The following SNX4 variants were observed in gnomAD, a reference collection of about 807,000 sequenced individuals.
SNX4 encodes sorting nexin 4.
SNX4 carries 49 observed loss-of-function variants against 70.8 expected under a neutral mutation model. That is an observed-to-expected ratio of 0.69 (90% CI 0.55 to 0.88). SNX4 has a LOEUF of 0.88. Among genes scored for constraint, SNX4 ranks in the 40% least tolerant of loss-of-function variants. The probability of loss-of-function intolerance (pLI) is 0.00; values close to 1 mark genes in which losing one functional copy is unlikely to be tolerated. For synonymous variants in SNX4, 206 were observed against 183.8 expected, an observed-to-expected ratio of 1.12 and a Z score of -0.98; for missense variants, 528 against 544.8, an observed-to-expected ratio of 0.97 and a Z score of 0.31.
chr3:125,451,138 AC>A (rs1340221545), intron 13 of SNX4, among the ~76,000 whole-genome samples, 166 bp downstream of exon 13: 1 of 152,204 alleles, frequency 6.6e-6, no homozygotes, highest in African/African-American at 2.4e-5. Context: ...AAATAAAAAA[AC>A]CAAAACAAAA....
At chr3:125,451,834 C>T (rs1933582078) in intron 12 of SNX4, among the ~76,000 whole-genome samples, 1 of 152,064 alleles carries the variant, frequency 6.6e-6, no homozygotes, top group Non-Finnish European at 1.5e-5. Flanking sequence ...ACCATGTTGG[C>T]CAGGCTGGGC....
At chr3:125,518,176 T>C (rs1935321006) in intron 1 of SNX4, among the ~76,000 whole-genome samples, 1 of 152,108 alleles carries the variant, frequency 6.6e-6, no homozygotes, top group African/African-American at 2.4e-5. Context: ...AAATACCTAA[T>C]GGCAGGGTGT....
rs893356577 is a variant in SNX4 at position 125,497,216 on chromosome 3, T to C, written c.597+125A>G. 32 of 584,010 alleles carry C rather than the reference T, an allele frequency of 5.5e-5. 1 individual carries two copies. In the South Asian group the frequency reaches 7.4e-4, roughly 13 times the overall value. 36.2% of individuals were successfully genotyped at this position (584,010 alleles called of 1,614,324 possible). On this transcript the variant is annotated intron_variant, in intron 5 of 13. Coordinates refer to ENST00000251775, the MANE Select transcript of SNX4 (RefSeq NM_003794.4). ...AGTGTTTCTTTGAAAACCTTACCAA[T>C]GATATTTATTGTAAGACGATTTCCA...
At chr3:125,449,622 T>C (rs1027239136) in intron 13 of SNX4, among the ~76,000 whole-genome samples, 1 of 152,152 alleles carries the variant, frequency 6.6e-6, no homozygotes, top group East Asian at 1.9e-4. Flanking sequence ...GAACATAAAC[T>C]CTTATTAAAC....
intron 13 of SNX4, 132 bp from the exon 14 acceptor site, chr3:125,447,958 G>T: frequency 1.8e-6 from 1 of 558,992 alleles, no homozygotes; most frequent in East Asian, 3.1e-5. Flanking sequence ...ACACTATTTT[G>T]GGAAGTGGCT....
chr3:125,480,148 T>A (rs559367991), intron 7 of SNX4, 99 bp downstream of exon 7: 9 of 640,292 alleles, frequency 1.4e-5, no homozygotes, highest in African/African-American at 1.1e-4. Flanking sequence ...AAAAATCAGT[T>A]ATTCATGGTA....
At chr3:125,483,897 G>A (rs1934468542) in intron 6 of SNX4, among the ~76,000 whole-genome samples, 1 of 152,208 alleles carries the variant, frequency 6.6e-6, no homozygotes, top group Non-Finnish European at 1.5e-5. Context: ...TAGAATGTCT[G>A]CATATTAAAA....
rs1446491622 is a variant in SNX4, at chr3:125,497,823, A to G, written c.549+11T>C. 1 of 1,560,794 alleles carries G rather than the reference A, an allele frequency of 6.4e-7. No individual in the cohort carries two copies. Among genetic ancestry groups the G allele is most frequent in the East Asian group, 2.3e-5 (1 of 44,372 alleles). ...TGAATATTTTACTAAGACTAAATAA[A>G]AGAAAAATACCTGTGTTAAAAACAG... is the stretch of plus-strand genomic sequence containing the variant. On this transcript the variant is annotated intron_variant, in intron 4 of 13. Transcript: ENST00000251775.
intron 5 of SNX4, among the ~76,000 whole-genome samples, chr3:125,495,278 A>ATATATATATATATATATATATC: frequency 1.2e-5 from 1 of 84,834 alleles, no homozygotes; most frequent in Non-Finnish European, 2.6e-5. Flanking sequence ...ATATATATAT[A>ATATATATATATATATATATATC]CACATACACA....
At chr3:125,504,835 T>C (rs1935012687) in intron 1 of SNX4, 91 bp from the exon 2 acceptor site, 2 of 1,384,840 alleles carry the variant, frequency 1.4e-6, no homozygotes. Context: ...AACCCATTAT[T>C]GGGTTTATAT....
chr3:125,477,086 A>G (rs1934304868), intron 7 of SNX4, among the ~76,000 whole-genome samples: 3 of 152,234 alleles, frequency 2.0e-5, no homozygotes, highest in African/African-American at 7.2e-5. Flanking sequence ...TAAGTAGTAT[A>G]TAAGACATAC....
In SNX4 at chr3:125,460,814, CATA is replaced by C; in HGVS notation, c.898_900del (p.Tyr300del). On this transcript the variant is annotated inframe_deletion, in exon 10 of 14. Transcript: ENST00000251775. ...AAAAGATACTCTTTTAACTGATCTG[CATA>C]ATGTTCTTCATCTTCCAAAATATCA... is the stretch of plus-strand genomic sequence containing the variant. The C allele has an allele frequency of 6.4e-7, 1 of 1,566,318 alleles. No homozygotes were observed.
chr3:125,482,109 T>G (rs780435379), intron 6 of SNX4, among the ~76,000 whole-genome samples: 2 of 152,204 alleles, frequency 1.3e-5, no homozygotes, highest in Non-Finnish European at 2.9e-5. Context: ...GGTCCTCAGC[T>G]ATCTTCCAAT....
intron 5 of SNX4, among the ~76,000 whole-genome samples, chr3:125,491,880 G>A (rs1245840233): frequency 1.3e-5 from 2 of 151,964 alleles, no homozygotes; most frequent in African/African-American, 2.4e-5. Flanking sequence ...AGGCTGAGGC[G>A]GGTGGATCAC....
At chr3:125,508,686 T>C (rs1935102323) in intron 1 of SNX4, among the ~76,000 whole-genome samples, 1 of 152,094 alleles carries the variant, frequency 6.6e-6, no homozygotes, top group Admixed American at 6.6e-5. Context: ...GACAGGTATA[T>C]AGACCTATGA....
intron 6 of SNX4, among the ~76,000 whole-genome samples, chr3:125,483,923 T>C (rs186636442): frequency 4.5e-4 from 69 of 152,358 alleles, no homozygotes; most frequent in Non-Finnish European, 8.5e-4. Flanking sequence ...AATCTTATCA[T>C]AAATGATTAG....
At chr3:125,498,819 T>G (rs945184151) in intron 2 of SNX4, among the ~76,000 whole-genome samples, 1 of 152,212 alleles carries the variant, frequency 6.6e-6, no homozygotes, top group Non-Finnish European at 1.5e-5. Flanking sequence ...AAAGCCTTAA[T>G]GCATAAATAA....
intron 5 of SNX4, among the ~76,000 whole-genome samples, chr3:125,491,761 C>T (rs1934663714): frequency 6.6e-6 from 1 of 152,128 alleles, no homozygotes; most frequent in South Asian, 2.1e-4. Flanking sequence ...TCCTTTAAAA[C>T]AGCATTATCT....
Position 125,477,678 on chromosome 3 carries a change from G to A in SNX4, c.727-922C>T, listed in dbSNP as rs79191958. 3.9e-4 allele frequency among the ~76,000 whole-genome samples: 59 copies of A among 152,200 alleles called. No individual in the cohort carries two copies. The East Asian group carries it at 6.4e-3, about 16-fold the overall frequency. The stretch of plus-strand genomic sequence containing the variant: ...GATCTCATCTTACAGTGACAGAACC[G>A]CCACTGCAAATACTTCAAGTAGGTG... On this transcript the variant is annotated intron_variant, in intron 7 of 13. Coordinates refer to ENST00000251775, the MANE Select transcript of SNX4 (RefSeq NM_003794.4).
Sources: gnomAD v4.1 joint callset for allele counts (sites outside exome capture counted in the v4.1 genomes callset) on GRCh38, gnomAD v4.1.1 for gene constraint, MANE v1.5 for transcripts, NCBI Gene and HGNC (gene_info 2026-07-23, HGNC 2026-07-21) for gene names.